The following JAK2 variants were observed in gnomAD, a reference collection of about 807,000 sequenced individuals.
JAK2 encodes the protein Janus kinase 2.
JAK2 carries 86 observed loss-of-function variants against 139.3 expected under a neutral mutation model. That is an observed-to-expected ratio of 0.62 (90% CI 0.52 to 0.74). The LOEUF (loss-of-function observed/expected upper bound fraction) is 0.74, where lower values mean the gene tolerates loss of function less well. Ranked by LOEUF, JAK2 falls within the 30% of genes least tolerant of loss-of-function variation. JAK2 has a pLI of 0.00. For synonymous variants in JAK2, 490 were observed against 437.7 expected (o/e 1.12, Z -1.49); for missense variants, 1,421 against 1,360.3 (o/e 1.04, Z -0.70).
chr9:5,094,455 T>G (rs1344728169), intron 22 of JAK2: 1 of 152,168 alleles, frequency 6.6e-6, no homozygotes, highest in African/African-American at 2.4e-5. Flanking sequence ...ATTCAAATTA[T>G]GTACTGATCG....
intron 4 of JAK2, among the ~76,000 whole-genome samples, chr9:5,043,262 GCGTTTA>G (rs1816751815): frequency 6.6e-6 from 1 of 152,086 alleles, no homozygotes; most frequent in Non-Finnish European, 1.5e-5. Context: ...TACGGAAATG[GCGTTTA>G]CGTTTCTCTG....
intron 5 of JAK2, among the ~76,000 whole-genome samples, chr9:5,048,345 G>A (rs1817174042): frequency 6.6e-6 from 1 of 152,024 alleles, no homozygotes; most frequent in Non-Finnish European, 1.5e-5. Context: ...GTTTCACTAT[G>A]TTGGCCAGGC....
intron 22 of JAK2, chr9:5,113,519 G>A: frequency 6.5e-6 from 1 of 152,816 alleles, no homozygotes. Flanking sequence ...CTCCCCTGGT[G>A]GGCTGGTCTC....
intron 5 of JAK2, 88 bp from the exon 6 acceptor site, chr9:5,050,598 C>G: frequency 7.4e-7 from 1 of 1,358,160 alleles, no homozygotes; most frequent in Non-Finnish European, 1.0e-6. Flanking sequence ...TGCATATGTT[C>G]TGAAAATTAT....
At chr9:5,111,296 GC>G (rs1564014902) in intron 22 of JAK2, 1 of 475,264 alleles carries the variant, frequency 2.1e-6, no homozygotes, top group Non-Finnish European at 4.1e-6. Flanking sequence ...TGCCGGGCAA[GC>G]TGGCCCTCAG....
intron 22 of JAK2, chr9:5,111,953 G>C (rs550287142): frequency 2.7e-4 from 96 of 349,364 alleles, no homozygotes; most frequent in African/African-American, 1.8e-3. Context: ...ATAACTTGTG[G>C]TCCAGCCCCT....
In JAK2 at chr9:5,111,148, C is replaced by G. The variant is rs141346503; in HGVS notation, c.3060-11856C>G. Reference sequence around the variant, plus strand: ...CAGCTGGACGTTCAGCGAAGGCGCTCAACTTGCTGAGTCGCACGGCAGCCA... The same window carrying G: ...CAGCTGGACGTTCAGCGAAGGCGCTGAACTTGCTGAGTCGCACGGCAGCCA... On this transcript the variant is annotated intron_variant, in intron 22 of 24. Coordinates refer to ENST00000381652, the MANE Select transcript of JAK2 (RefSeq NM_004972.4). 2.9e-3 allele frequency: 2,627 copies of G among 907,764 alleles called. 7 individuals carry two copies. The highest frequency in any genetic ancestry group is 3.9e-3 in the Non-Finnish European group (2,316 of 586,944). The allele number at this position is 907,764 out of a possible 1,614,324, so 56.2% of individuals were successfully genotyped here.
chr9:5,010,482 G>C (rs578009353), intron 2 of JAK2, among the ~76,000 whole-genome samples: 1 of 151,912 alleles, frequency 6.6e-6, no homozygotes, highest in Non-Finnish European at 1.5e-5. Context: ...CACTATGCCC[G>C]GCTAATTTTT....
intron 2 of JAK2, among the ~76,000 whole-genome samples, chr9:5,013,203 T>C (rs565682022): frequency 4.4e-4 from 67 of 152,310 alleles, no homozygotes; most frequent in African/African-American, 1.5e-3. Flanking sequence ...TAATAACTTA[T>C]ATCTTCTTCT....
At chr9:5,091,003 C>A in intron 22 of JAK2, 92 bp downstream of exon 22, 2 of 951,004 alleles carry the variant, frequency 2.1e-6, no homozygotes, top group Non-Finnish European at 3.1e-6. Context: ...TCTATATTTA[C>A]AGTAACAGTG....
chr9:5,111,360 C>T lies in JAK2; in HGVS notation c.3060-11644C>T, dbSNP rs959952395. 5.5e-5 allele frequency: 19 copies of T among 344,296 alleles called. 1 individual carries two copies. The highest frequency in any genetic ancestry group is 3.9e-4 in the South Asian group (19 of 48,166). The allele number at this position is 344,296 out of a possible 1,614,324, so 21.3% of individuals were successfully genotyped here. On this transcript the variant is annotated intron_variant, in intron 22 of 24. Coordinates refer to ENST00000381652, the MANE Select transcript of JAK2 (RefSeq NM_004972.4). The stretch of plus-strand genomic sequence containing the variant: ...CATGAAGGGGACCTCCCGGTACTAC[C>T]CCTCCTACGCCAGCAGCTCTGGCGG...
intron 4 of JAK2, among the ~76,000 whole-genome samples, chr9:5,033,492 A>C (rs1224003518): frequency 6.6e-6 from 1 of 152,204 alleles, no homozygotes; most frequent in Non-Finnish European, 1.5e-5. Context: ...GCCAGAGAGA[A>C]AGGTTGGGTA....
In JAK2 at chr9:5,129,256, C is replaced by T. The variant is rs1824191398; in HGVS notation, c.*2465C>T. Among the ~76,000 whole-genome samples, 1 of 152,122 alleles carries T rather than the reference C, an allele frequency of 6.6e-6. No homozygotes were observed. The highest frequency in any genetic ancestry group is 6.5e-5 in the Admixed American group (1 of 15,290). On this transcript the variant is annotated 3_prime_UTR_variant, in exon 25 of 25. Coordinates refer to ENST00000381652, the MANE Select transcript of JAK2 (RefSeq NM_004972.4). Reference sequence around the variant, plus strand: ...ATGTTAATTTCTTTAGCATGCTCCCCCTAAATTGAAATAGTGATGTAGTAA... The same window carrying T: ...ATGTTAATTTCTTTAGCATGCTCCCTCTAAATTGAAATAGTGATGTAGTAA...
chr9:5,058,858 A>C (rs1219848095), intron 8 of JAK2, among the ~76,000 whole-genome samples: 3 of 152,162 alleles, frequency 2.0e-5, no homozygotes, highest in Non-Finnish European at 4.4e-5. Flanking sequence ...TATATATTCA[A>C]GTCCTTTGCT....
At chr9:4,995,191 C>G (rs1820490575) in intron 2 of JAK2, among the ~76,000 whole-genome samples, 1 of 152,198 alleles carries the variant, frequency 6.6e-6, no homozygotes, top group African/African-American at 2.4e-5. Flanking sequence ...GAACTCTTCA[C>G]TCATATCTTG....
At chr9:5,034,392 T>G (rs1823409316) in intron 4 of JAK2, among the ~76,000 whole-genome samples, 1 of 152,178 alleles carries the variant, frequency 6.6e-6, no homozygotes, top group African/African-American at 2.4e-5. Context: ...CAAGCAGACC[T>G]AATAGACATC....
rs574976895 is a variant in JAK2 at position 5,037,570 on chromosome 9, A to T, written c.351-6833A>T. 4.2e-3 allele frequency among the ~76,000 whole-genome samples: 645 copies of T among 152,326 alleles called. 2 individuals are homozygous for T. Among genetic ancestry groups the T allele is most frequent in the Non-Finnish European group, 7.5e-3 (512 of 68,018 alleles). ...ATGTCCTTTGTAGGGACATGGATGA[A>T]GCTGGAAACCATCATTCTCAGCAAA... On this transcript the variant is annotated intron_variant, in intron 4 of 24. Coordinates refer to ENST00000381652, the MANE Select transcript of JAK2 (RefSeq NM_004972.4).
intron 23 of JAK2, among the ~76,000 whole-genome samples, chr9:5,125,690 G>C (rs1167839778): frequency 1.2e-5 from 1 of 82,010 alleles, no homozygotes; most frequent in African/African-American, 7.4e-5. Flanking sequence ...TTGCCAAGTT[G>C]ATAGGGGAGA....
At chr9:5,108,092 C>G (rs1822120005) in intron 22 of JAK2, 1 of 152,088 alleles carries the variant, frequency 6.6e-6, no homozygotes, top group African/African-American at 2.4e-5. Context: ...CTAGTTTTCT[C>G]TTCTGATCTG....
Sources: gnomAD v4.1 joint callset for allele counts (sites outside exome capture counted in the v4.1 genomes callset) on GRCh38, gnomAD v4.1.1 for gene constraint, MANE v1.5 for transcripts, NCBI Gene and HGNC (gene_info 2026-07-23, HGNC 2026-07-21) for gene names.